The following CPVL variants were observed in gnomAD, a reference collection of about 807,000 sequenced individuals.
CPVL encodes the protein probable serine carboxypeptidase CPVL.
Under a neutral mutation model 63.7 loss-of-function variants are expected in CPVL, and 51 were observed. That is an observed-to-expected ratio of 0.80 (90% CI 0.64 to 1.01). The LOEUF (loss-of-function observed/expected upper bound fraction) is 1.01, where lower values mean the gene tolerates loss of function less well. Ranked by LOEUF, CPVL falls within the 50% of genes least tolerant of loss-of-function variation. The probability of loss-of-function intolerance (pLI) is 0.00; values close to 1 mark genes in which losing one functional copy is unlikely to be tolerated. For synonymous variants in CPVL, 195 were observed against 206.0 expected (o/e 0.95, Z 0.46); for missense variants, 530 against 573.1 (o/e 0.92, Z 0.77).
At chr7:29,095,181 A>G in intron 4 of CPVL, 39 bp from the exon 5 acceptor site, 2 of 1,574,320 alleles carry the variant, frequency 1.3e-6, no homozygotes, top group South Asian at 1.1e-5. Context: ...AGAGTCGTGG[A>G]CAAGCATTCC....
intron 3 of CPVL, among the ~76,000 whole-genome samples, chr7:29,111,771 C>T (rs323184): frequency 0.16 from 24,623 of 152,040 alleles, 2,109 homozygotes; most frequent in East Asian, 0.33. Flanking sequence ...ACTTGAAAAC[C>T]ACCCTGGACC....
At chr7:29,013,580 G>GA (rs1247197456) in intron 12 of CPVL, among the ~76,000 whole-genome samples, 1 of 152,192 alleles carries the variant, frequency 6.6e-6, no homozygotes, top group Admixed American at 6.5e-5. Context: ...TGCAAACAAA[G>GA]AAAGACCAAG....
intron 3 of CPVL, among the ~76,000 whole-genome samples, chr7:29,110,819 A>G (rs754250087): frequency 2.6e-5 from 4 of 152,254 alleles, no homozygotes; most frequent in African/African-American, 7.2e-5. Context: ...AAATGTCATC[A>G]TAAGAGTCCT....
At chr7:29,066,833 T>C (rs1783181808) in intron 9 of CPVL, among the ~76,000 whole-genome samples, 1 of 152,190 alleles carries the variant, frequency 6.6e-6, no homozygotes, top group Admixed American at 6.5e-5. Context: ...CTCCAGCCAT[T>C]GTCAGCTGTG....
intron 11 of CPVL, among the ~76,000 whole-genome samples, chr7:29,042,864 G>A (rs1302791408): frequency 1.3e-5 from 2 of 152,310 alleles, no homozygotes; most frequent in South Asian, 2.1e-4. Context: ...TCTCAAAACG[G>A]ATATGGACAG....
chr7:29,093,132 T>C (rs1176306790), intron 5 of CPVL, among the ~76,000 whole-genome samples: 4 of 152,106 alleles, frequency 2.6e-5, no homozygotes, highest in Non-Finnish European at 4.4e-5. Flanking sequence ...ACTTCTGTAA[T>C]CCCAGCACTT....
At chr7:29,108,925 C>A (rs1400575029) in intron 3 of CPVL, among the ~76,000 whole-genome samples, 1 of 152,170 alleles carries the variant, frequency 6.6e-6, no homozygotes, top group East Asian at 1.9e-4. Context: ...ACATGACGGC[C>A]AAGCTCAAGG....
chr7:29,140,086 C>G lies in CPVL; in HGVS notation c.-11+6343G>C, dbSNP rs150913686. ...TGAGCTTTTCCCTAGCCAGGCCTTT[C>G]CCTGCAACCTACCTACCCTCCCTCA... On this transcript the variant is annotated intron_variant, in intron 1 of 12. Transcript: ENST00000265394. Among the ~76,000 whole-genome samples the G allele has an allele frequency of 1.8e-4, 28 of 152,286 alleles. No individual in the cohort carries two copies. In the East Asian group the frequency reaches 5.2e-3, roughly 28 times the overall value.
At chr7:29,105,695 T>C (rs1008624819) in intron 3 of CPVL, among the ~76,000 whole-genome samples, 2 of 152,162 alleles carry the variant, frequency 1.3e-5, no homozygotes, top group Admixed American at 6.5e-5. Context: ...CCTTTAATTC[T>C]GTTACAAGTT....
chr7:29,114,629 CA>C (rs200289732), intron 2 of CPVL, among the ~76,000 whole-genome samples: 5 of 146,426 alleles, frequency 3.4e-5, no homozygotes, highest in East Asian at 4.0e-4. Flanking sequence ...GACCCTGTCT[CA>C]AAAAAAAAAC....
intron 5 of CPVL, among the ~76,000 whole-genome samples, chr7:29,163,505 C>T (rs746098320): frequency 1.3e-5 from 2 of 152,064 alleles, no homozygotes; most frequent in African/African-American, 2.4e-5. Flanking sequence ...TGTTAATGGG[C>T]ATATGCATAT....
chr7:29,151,133 T>C (rs969941944), upstream of CPVL, among the ~76,000 whole-genome samples: 1 of 152,164 alleles, frequency 6.6e-6, no homozygotes, highest in African/African-American at 2.4e-5. Context: ...TTGTACTTGG[T>C]AAGGAAGGGG....
At chr7:29,021,756 A>G (rs1453452843) in intron 12 of CPVL, among the ~76,000 whole-genome samples, 1 of 151,900 alleles carries the variant, frequency 6.6e-6, no homozygotes, top group Non-Finnish European at 1.5e-5. Flanking sequence ...ACATCCCCTG[A>G]GATTCAAGCA....
intron 1 of CPVL, among the ~76,000 whole-genome samples, chr7:29,123,775 G>A (rs1217613631): frequency 6.8e-6 from 1 of 146,812 alleles, no homozygotes; most frequent in Non-Finnish European, 1.5e-5. Context: ...CAATCTTCCT[G>A]CTGCCAATCC....
At position 29,056,449 on chromosome 7, in the gene CPVL, T is replaced by G. The variant is rs1790740538; in HGVS notation, c.1137+7612A>C. Among the ~76,000 whole-genome samples, 3 of 152,248 alleles carry G rather than the reference T, an allele frequency of 2.0e-5. No individual in the cohort carries two copies. The South Asian group carries it at 6.2e-4, about 31-fold the overall frequency. On this transcript the variant is annotated intron_variant, in intron 11 of 12. Coordinates refer to ENST00000265394, the MANE Select transcript of CPVL (RefSeq NM_031311.5). ...AGTTGGGATCATACAGTACGTAGCC[T>G]TTTCAGATTGGCTTCTTTCACTCAG...
chr7:29,137,248 C>A (rs1791321272), intron 1 of CPVL, among the ~76,000 whole-genome samples: 1 of 152,170 alleles, frequency 6.6e-6, no homozygotes, highest in Non-Finnish European at 1.5e-5. Context: ...AAGGAGAACA[C>A]TTCTCTCTCT....
At chr7:29,053,924 A>T (rs1380732113) in intron 11 of CPVL, among the ~76,000 whole-genome samples, 1 of 151,882 alleles carries the variant, frequency 6.6e-6, no homozygotes, top group African/African-American at 2.4e-5. Flanking sequence ...AAAGAAAAAG[A>T]AAAGCCAACA....
At chr7:29,113,421 C>T (rs1280182086) in intron 2 of CPVL, among the ~76,000 whole-genome samples, 1 of 152,066 alleles carries the variant, frequency 6.6e-6, no homozygotes, top group Non-Finnish European at 1.5e-5. Context: ...CTCATGGCTA[C>T]TCAGGGGGAG....
intron 1 of CPVL, among the ~76,000 whole-genome samples, chr7:29,130,993 G>T (rs141645319): frequency 6.6e-6 from 1 of 152,246 alleles, no homozygotes; most frequent in Non-Finnish European, 1.5e-5. Flanking sequence ...AAAATCTCAT[G>T]GCAAAGTCAG....
Sources: gnomAD v4.1 joint callset for allele counts (sites outside exome capture counted in the v4.1 genomes callset) on GRCh38, gnomAD v4.1.1 for gene constraint, MANE v1.5 for transcripts, NCBI Gene and HGNC (gene_info 2026-07-23, HGNC 2026-07-21) for gene names.